Variants in GNG7 observed in about 807,000 individuals in gnomAD.
GNG7 encodes the protein G protein subunit gamma 7.
Under a neutral mutation model 4.0 loss-of-function variants are expected in GNG7, and 1 was observed. The ratio of observed to expected loss-of-function variants is 0.25; its 90% CI spans 0.09 to 1.18. GNG7 has a LOEUF of 1.18. Among genes scored for constraint, GNG7 ranks in the 50% most tolerant of loss-of-function variants. The pLI is 0.50. For missense variants in GNG7, 86 were observed against 91.9 expected, an observed-to-expected ratio of 0.94 and a Z score of 0.26; for synonymous variants, 34 against 36.9, an observed-to-expected ratio of 0.92 and a Z score of 0.29.
At chr19:2,644,339 A>AATGCTC (rs1982602849) in intron 2 of GNG7, among the ~76,000 whole-genome samples, 2 of 8,860 alleles carry the variant, frequency 2.3e-4, no homozygotes, top group Non-Finnish European at 4.6e-4. Flanking sequence ...ATATATATAT[A>AATGCTC]TATATATATA....
chr19:2,567,343 G>GTGTGTGTGTGTA (rs911128775), intron 2 of GNG7, among the ~76,000 whole-genome samples: 1 of 151,396 alleles, frequency 6.6e-6, no homozygotes, highest in Non-Finnish European at 1.5e-5. Flanking sequence ...GTGTGTGTGT[G>GTGTGTGTGTGTA]TGTGTGTGAC....
At chr19:2,578,044 C>T (rs1038835274) in intron 2 of GNG7, among the ~76,000 whole-genome samples, 7 of 151,942 alleles carry the variant, frequency 4.6e-5, no homozygotes, top group Non-Finnish European at 8.8e-5. Context: ...CTCGTTGTTG[C>T]CCAGGCTGGT....
chr19:2,546,976 G>A lies in GNG7; in HGVS notation c.-38+8173C>T, dbSNP rs1168018709. 6.6e-6 allele frequency among the ~76,000 whole-genome samples: 1 copy of A among 152,110 alleles called. No homozygotes were observed. Among genetic ancestry groups the A allele is most frequent in the African/African-American group, 2.4e-5 (1 of 41,434 alleles). On this transcript the variant is annotated intron_variant, in intron 3 of 4. Transcript: ENST00000382159. The surrounding 1 kb of genome is among the most constrained non-coding windows in gnomAD (Gnocchi z 6.3). ...AAGGGGCAGCGCCGGCCTCGTGACG[G>A]TGGTGCTCGGGAGCTGAAGGGCAGG...
chr19:2,561,461 G>A (rs1157315858), intron 2 of GNG7, among the ~76,000 whole-genome samples: 1 of 152,086 alleles, frequency 6.6e-6, no homozygotes, highest in African/African-American at 2.4e-5. Context: ...TCTGTGCCCA[G>A]GAGGGGCCCT....
intron 4 of GNG7, among the ~76,000 whole-genome samples, chr19:2,518,037 G>C (rs956479383): frequency 6.6e-6 from 1 of 152,202 alleles, no homozygotes; most frequent in Non-Finnish European, 1.5e-5. Flanking sequence ...CCTCCTGGAC[G>C]ACAGAAATAG....
chr19:2,672,597 T>C (rs780307684), intron 1 of GNG7, among the ~76,000 whole-genome samples: 1 of 152,006 alleles, frequency 6.6e-6, no homozygotes, highest in Non-Finnish European at 1.5e-5. Context: ...CAAGTGTGTG[T>C]CACCACACCG....
chr19:2,639,848 A>G (rs552073423), intron 2 of GNG7, among the ~76,000 whole-genome samples: 1 of 8,610 alleles, frequency 1.2e-4, no homozygotes, highest in African/African-American at 6.1e-4. Flanking sequence ...GAGGGAGGGA[A>G]GGAAGGAAGG....
intron 2 of GNG7, chr19:2,610,087 G>T (rs1981512932): frequency 6.6e-6 from 1 of 152,134 alleles, no homozygotes; most frequent in Non-Finnish European, 1.5e-5. Flanking sequence ...CTCTGGCAAG[G>T]GCCTTGCCCC....
chr19:2,568,670 T>C (rs990623388), intron 2 of GNG7, among the ~76,000 whole-genome samples: 2 of 147,436 alleles, frequency 1.4e-5, no homozygotes, highest in African/African-American at 5.0e-5. Context: ...CACATACACA[T>C]ACACATATAT....
intron 1 of GNG7, among the ~76,000 whole-genome samples, chr19:2,697,786 TCC>T (rs150074058): frequency 0.056 from 6,986 of 124,836 alleles, 546 homozygotes; most frequent in African/African-American, 0.18. Flanking sequence ...GAGGGCCCCG[TCC>T]CCCCCCCCGC....
chr19:2,652,726 CAT>C (rs199774489), intron 1 of GNG7, among the ~76,000 whole-genome samples: 2 of 152,190 alleles, frequency 1.3e-5, no homozygotes, highest in East Asian at 3.9e-4. Flanking sequence ...TCAGAGGATA[CAT>C]AGTTTCAGCT....
At chr19:2,527,214 G>C (rs1255937957) in intron 3 of GNG7, among the ~76,000 whole-genome samples, 1 of 152,074 alleles carries the variant, frequency 6.6e-6, no homozygotes, top group Non-Finnish European at 1.5e-5. Context: ...GGAGCCCCAC[G>C]CACCCTCTCC....
At chr19:2,580,008 G>A (rs1354999685) in intron 2 of GNG7, among the ~76,000 whole-genome samples, 3 of 152,070 alleles carry the variant, frequency 2.0e-5, no homozygotes, top group Non-Finnish European at 4.4e-5. Flanking sequence ...TCGGACACCT[G>A]GCCAGAATCC....
chr19:2,655,861 T>TAAAAA (rs1982957103), intron 1 of GNG7, among the ~76,000 whole-genome samples: 1 of 57,488 alleles, frequency 1.7e-5, no homozygotes, highest in African/African-American at 6.8e-5. Context: ...AAAAAAAAAA[T>TAAAAA]ACATATATAT....
At chr19:2,680,144 CT>C (rs775146336) in intron 1 of GNG7, among the ~76,000 whole-genome samples, 8,730 of 118,886 alleles carry the variant, frequency 0.073, 373 homozygotes, top group African/African-American at 0.21. Flanking sequence ...GACCTTGTCT[CT>C]TTTTTTTTTT....
chr19:2,627,725 T>C (rs1047768224), intron 2 of GNG7, among the ~76,000 whole-genome samples: 1 of 152,246 alleles, frequency 6.6e-6, no homozygotes, highest in African/African-American at 2.4e-5. Context: ...CACCGGCAGC[T>C]GACTCAGCCC....
At chr19:2,537,479 C>T (rs1978779827) in intron 3 of GNG7, among the ~76,000 whole-genome samples, 1 of 152,166 alleles carries the variant, frequency 6.6e-6, no homozygotes, top group Non-Finnish European at 1.5e-5. Flanking sequence ...AAGCGATCCT[C>T]CTGCCTCAGC....
chr19:2,621,941 C>T (rs1015449264), intron 2 of GNG7, among the ~76,000 whole-genome samples: 1 of 152,124 alleles, frequency 6.6e-6, no homozygotes, highest in Non-Finnish European at 1.5e-5. Context: ...CGGATTGATA[C>T]TTCCGGGTCT....
intron 1 of GNG7, among the ~76,000 whole-genome samples, chr19:2,672,906 A>G (rs569139237): frequency 6.6e-6 from 1 of 152,236 alleles, no homozygotes; most frequent in South Asian, 2.1e-4. Flanking sequence ...AAGAGCAAAC[A>G]TCATGGAAAC....
Sources: gnomAD v4.1 joint callset for allele counts (sites outside exome capture counted in the v4.1 genomes callset) on GRCh38, gnomAD v4.1.1 for gene constraint, Gnocchi (gnomAD v3.1) non-coding constraint, MANE v1.5 for transcripts, NCBI Gene and HGNC (gene_info 2026-07-23, HGNC 2026-07-21) for gene names.